The following AKR1C8 variants were observed in gnomAD, a reference collection of about 807,000 sequenced individuals.
The protein encoded by AKR1C8 is aldo-keto reductase family 1 member C8.
chr10:5,118,714 T>C, the AKR1C8 span, among the ~76,000 whole-genome samples: 3 of 152,178 alleles, frequency 2.0e-5, no homozygotes, highest in East Asian at 1.9e-4. Flanking sequence ...CTGGCATTAA[T>C]AGAGTTGTAT....
chr10:5,132,546 T>C, the AKR1C8 span: 6 of 1,361,774 alleles, frequency 4.4e-6, no homozygotes, highest in Non-Finnish European at 5.8e-6. Flanking sequence ...AGAATTGTCA[T>C]CTCCACACTA....
chr10:5,182,821 A>G, the AKR1C8 span, among the ~76,000 whole-genome samples: 2,362 of 152,074 alleles, frequency 0.016, 61 homozygotes, highest in African/African-American at 0.054. Flanking sequence ...GAGGTAGGAG[A>G]ACTGCTTGAA....
At chr10:5,137,609 C>T in the AKR1C8 span, among the ~76,000 whole-genome samples, 11 of 152,296 alleles carry the variant, frequency 7.2e-5, no homozygotes, top group African/African-American at 2.6e-4. Flanking sequence ...GACAAACCCA[C>T]AGCCAATATC....
At chr10:5,138,369 C>A in the AKR1C8 span, among the ~76,000 whole-genome samples, 1 of 152,108 alleles carries the variant, frequency 6.6e-6, no homozygotes, top group Non-Finnish European at 1.5e-5. Context: ...ACTTGCACGT[C>A]CATTTATAGG....
At chr10:5,127,722 C>CAAAAAAAAAAAAAAAAAAAAAAAAAAAA in the AKR1C8 span, among the ~76,000 whole-genome samples, 1 of 79,660 alleles carries the variant, frequency 1.3e-5, no homozygotes, top group Admixed American at 1.6e-4. Context: ...AAGACTCTGT[C>CAAAAAAAAAAAAAAAAAAAAAAAAAAAA]AAAAAAAAAA....
chr10:5,151,257 A>G, the AKR1C8 span, among the ~76,000 whole-genome samples: 1 of 152,198 alleles, frequency 6.6e-6, no homozygotes, highest in Non-Finnish European at 1.5e-5. Context: ...TCAGAATCTT[A>G]TAGCCTCCAG....
At chr10:5,151,258 T>C in the AKR1C8 span, among the ~76,000 whole-genome samples, 9 of 152,298 alleles carry the variant, frequency 5.9e-5, no homozygotes, top group East Asian at 1.2e-3. Flanking sequence ...CAGAATCTTA[T>C]AGCCTCCAGC....
chr10:5,135,762 T>C, the AKR1C8 span, among the ~76,000 whole-genome samples: 2 of 34,434 alleles, frequency 5.8e-5, no homozygotes, highest in South Asian at 1.9e-3. Flanking sequence ...TCTCACATGA[T>C]GCTAAAGGAA....
chr10:5,127,214 T>A, the AKR1C8 span, among the ~76,000 whole-genome samples: 5 of 152,090 alleles, frequency 3.3e-5, no homozygotes, highest in African/African-American at 1.2e-4. Context: ...AACCTAAAAT[T>A]TTTTTTTAAA....
chr10:5,176,674 T>A, the AKR1C8 span, among the ~76,000 whole-genome samples: 1 of 152,190 alleles, frequency 6.6e-6, no homozygotes, highest in African/African-American at 2.4e-5. Context: ...TTTGTAGTTC[T>A]CCTTGAAGAG....
chr10:5,181,967 A>G, the AKR1C8 span, among the ~76,000 whole-genome samples: 1 of 152,242 alleles, frequency 6.6e-6, no homozygotes, highest in African/African-American at 2.4e-5. Flanking sequence ...AATATCAAAC[A>G]GAACAAGAGT....
At chr10:5,124,465 G>A in the AKR1C8 span, among the ~76,000 whole-genome samples, 7 of 152,014 alleles carry the variant, frequency 4.6e-5, no homozygotes, top group African/African-American at 1.7e-4. Flanking sequence ...TCTTGACTTG[G>A]TGAGGGATTC....
chr10:5,138,734 G>T, the AKR1C8 span, among the ~76,000 whole-genome samples: 910 of 152,036 alleles, frequency 6.0e-3, 5 homozygotes, highest in African/African-American at 0.021. Flanking sequence ...CCCTCCATTC[G>T]GCGTCCCTGA....
At chr10:5,151,424 A>G in the AKR1C8 span, among the ~76,000 whole-genome samples, 2 of 152,170 alleles carry the variant, frequency 1.3e-5, no homozygotes, top group Admixed American at 6.5e-5. Context: ...AAGTTAGTTC[A>G]GCCTATGCCC....
chr10:5,182,598 T>A, the AKR1C8 span, among the ~76,000 whole-genome samples: 4 of 152,088 alleles, frequency 2.6e-5, no homozygotes, highest in Non-Finnish European at 5.9e-5. Flanking sequence ...AAAACCAATT[T>A]AAAAACCCTA....
the AKR1C8 span, among the ~76,000 whole-genome samples, chr10:5,130,072 T>A: frequency 2.6e-5 from 4 of 151,916 alleles, no homozygotes; most frequent in Non-Finnish European, 5.9e-5. Flanking sequence ...TAATACATCA[T>A]GATCAAGTGG....
the AKR1C8 span, among the ~76,000 whole-genome samples, chr10:5,120,640 C>T: frequency 1.3e-5 from 2 of 152,090 alleles, no homozygotes; most frequent in Non-Finnish European, 2.9e-5. Context: ...AGGGAGGCCA[C>T]AGATTTCTAC....
chr10:5,127,296 G>A, the AKR1C8 span, among the ~76,000 whole-genome samples: 4 of 152,100 alleles, frequency 2.6e-5, no homozygotes, highest in African/African-American at 9.6e-5. Context: ...CAGAACTTCT[G>A]GAAATGAAAG....
At chr10:5,160,667 T>G in the AKR1C8 span, 1 of 369,738 alleles carries the variant, frequency 2.7e-6, no homozygotes, top group Non-Finnish European at 5.4e-6. Context: ...CTCTCTCACT[T>G]CACAGATGAG....
Sources: allele counts gnomAD v4.1 joint callset (sites outside exome capture counted in the v4.1 genomes callset), GRCh38; gene constraint gnomAD v4.1.1; transcripts MANE v1.5; gene names NCBI Gene and HGNC (gene_info 2026-07-23, HGNC 2026-07-21).